Variants in ATRX observed in about 807,000 individuals in gnomAD.
ATRX encodes ATRX chromatin remodeler.
Under a neutral mutation model 172.6 loss-of-function variants are expected in ATRX, and 12 were observed. The ratio of observed to expected loss-of-function variants is 0.07; its 90% CI spans 0.04 to 0.11. ATRX has a LOEUF of 0.11. Ranked by LOEUF, ATRX falls within the 10% of genes least tolerant of loss-of-function variation. The probability of loss-of-function intolerance (pLI) is 1.00; values close to 1 mark genes in which losing one functional copy is unlikely to be tolerated. For synonymous variants in ATRX, 674 were observed against 594.7 expected, an observed-to-expected ratio of 1.13 and a Z score of -1.94; for missense variants, 1,368 against 1,767.4, an observed-to-expected ratio of 0.77 and a Z score of 4.05.
At chrX:77,620,560 A>G (rs1557099400) in intron 19 of ATRX, 28 bp from the exon 20 acceptor site, 1 of 1,134,148 alleles carries the variant, frequency 8.8e-7, no homozygotes, top group African/African-American at 1.8e-5. Flanking sequence ...AAAATAACAC[A>G]ATTAATATAT....
intron 1 of ATRX, among the ~76,000 whole-genome samples, chrX:77,728,725 T>G (rs1432817934): frequency 9.2e-6 from 1 of 108,392 alleles, no homozygotes; most frequent in African/African-American, 3.3e-5. Context: ...CCTTTATCTA[T>G]ACAAAGAAAG....
chrX:77,754,683 T>C (rs2075424595), intron 1 of ATRX, among the ~76,000 whole-genome samples: 1 of 112,245 alleles, frequency 8.9e-6, no homozygotes, highest in East Asian at 2.8e-4. Context: ...CTCTTCTGGC[T>C]TGTAGGGTTT....
Position 77,700,404 on chromosome X carries a change from C to T in ATRX, c.134-1775G>A, listed in dbSNP as rs782065229. ...TTGCTGGTGGGAATGCAAAATGATA[C>T]AGCCACTCAGGAAAACAGTTCAGCA... On this transcript the variant is annotated intron_variant, in intron 2 of 34. Transcript: ENST00000373344. 7.1e-5 allele frequency among the ~76,000 whole-genome samples: 8 copies of T among 111,976 alleles called. No individual in the cohort carries two copies. The South Asian group carries it at 2.6e-3, about 36-fold the overall frequency.
chrX:77,671,167 A>AAAAAATATATATATATAT (rs1424480831), intron 10 of ATRX, among the ~76,000 whole-genome samples: 2 of 15,735 alleles, frequency 1.3e-4, no homozygotes, highest in East Asian at 1.5e-3. Context: ...AAAAAAAAAA[A>AAAAAATATATATATATAT]ATATATATAT....
At chrX:77,722,428 T>G (rs2073821772) in intron 1 of ATRX, among the ~76,000 whole-genome samples, 1 of 111,345 alleles carries the variant, frequency 9.0e-6, no homozygotes, top group Non-Finnish European at 1.9e-5. Context: ...AGAACTTTTT[T>G]GTGATCTATC....
At chrX:77,597,561 A>G (rs990464773) in intron 25 of ATRX, among the ~76,000 whole-genome samples, 1 of 111,927 alleles carries the variant, frequency 8.9e-6, no homozygotes, top group Admixed American at 9.5e-5. Flanking sequence ...GTATCCAACA[A>G]TGAATATCCA....
intron 28 of ATRX, among the ~76,000 whole-genome samples, chrX:77,569,740 G>A (rs1208737025): frequency 8.9e-6 from 1 of 111,894 alleles, no homozygotes; most frequent in East Asian, 2.8e-4. Flanking sequence ...ACTGATGGAA[G>A]AAATCAAAGA....
intron 27 of ATRX, among the ~76,000 whole-genome samples, chrX:77,583,521 CA>C (rs1258258342): frequency 5.2e-5 from 5 of 96,612 alleles, no homozygotes; most frequent in South Asian, 4.7e-4. Flanking sequence ...GAGACCGTCT[CA>C]AAAAAAAAAC....
At chrX:77,563,945 T>TTA (rs2065108736) in intron 28 of ATRX, among the ~76,000 whole-genome samples, 1 of 110,438 alleles carries the variant, frequency 9.1e-6, no homozygotes, top group Non-Finnish European at 1.9e-5. Context: ...AGAACCATGA[T>TTA]TACCAATCTC....
At chrX:77,691,507 T>C (rs1162671637) in intron 6 of ATRX, among the ~76,000 whole-genome samples, 1 of 111,797 alleles carries the variant, frequency 8.9e-6, no homozygotes, top group Non-Finnish European at 1.9e-5. Context: ...GTGTAAAATA[T>C]ACTTTCTAAC....
At chrX:77,589,764 C>T in intron 27 of ATRX, 70 bp downstream of exon 27, 1 of 984,831 alleles carries the variant, frequency 1.0e-6, no homozygotes, top group Middle Eastern at 3.9e-4. Context: ...TCTTTTGTTG[C>T]TAAAATGTTT....
chrX:77,710,895 T>C (rs1480440897), intron 2 of ATRX, among the ~76,000 whole-genome samples: 1 of 106,259 alleles, frequency 9.4e-6, no homozygotes, highest in Non-Finnish European at 1.9e-5. Flanking sequence ...GGTAGATGCA[T>C]GAATCAACCC....
At chrX:77,565,068 T>C (rs1414482332) in intron 28 of ATRX, among the ~76,000 whole-genome samples, 3 of 111,087 alleles carry the variant, frequency 2.7e-5, no homozygotes, top group African/African-American at 9.8e-5. Context: ...TATACCACCA[T>C]CCAATAATAA....
chrX:77,544,489 C>T (rs1389542906), intron 30 of ATRX, among the ~76,000 whole-genome samples: 6 of 109,814 alleles, frequency 5.5e-5, no homozygotes, highest in East Asian at 2.9e-4. Context: ...CATATGTATA[C>T]GTGTGCCATG....
intron 28 of ATRX, among the ~76,000 whole-genome samples, chrX:77,569,484 T>C (rs781969905): frequency 1.8e-5 from 2 of 111,161 alleles, no homozygotes; most frequent in Admixed American, 9.6e-5. Flanking sequence ...TCCTTGTGGA[T>C]AGTACAATGA....
intron 15 of ATRX, among the ~76,000 whole-genome samples, chrX:77,644,618 T>C (rs1430151231): frequency 9.1e-6 from 1 of 109,521 alleles, no homozygotes; most frequent in Non-Finnish European, 1.9e-5. Context: ...TAGGAAAATA[T>C]GGCCCAATCA....
chrX:77,729,863 GGAGGCAGAGGCTGCAGT>G (rs2074222689), intron 1 of ATRX, among the ~76,000 whole-genome samples: 1 of 111,566 alleles, frequency 9.0e-6, no homozygotes, highest in Non-Finnish European at 1.9e-5. Context: ...CTTGAACCCG[GGAGGCAGAGGCTGCAGT>G]GAGCCAAGAT....
chrX:77,755,698 T>G lies in ATRX; in HGVS notation c.20+30284A>C, dbSNP rs1420742285. On this transcript the variant is annotated intron_variant, in intron 1 of 34. Transcript: ENST00000373344. Reference sequence around the variant, plus strand: ...GCAAATATTGCTGCCTGCTCCTTCCTCTGGGAGCTTCGTCCCAGAAGGGCA... The same window carrying G: ...GCAAATATTGCTGCCTGCTCCTTCCGCTGGGAGCTTCGTCCCAGAAGGGCA... Among the ~76,000 whole-genome samples, 9 of 111,896 alleles carry G rather than the reference T, an allele frequency of 8.0e-5. No homozygotes were observed. In the East Asian group the frequency reaches 2.5e-3, roughly 32 times the overall value.
intron 1 of ATRX, among the ~76,000 whole-genome samples, chrX:77,783,323 C>T (rs1456634937): frequency 3.6e-5 from 4 of 111,847 alleles, no homozygotes; most frequent in Admixed American, 2.9e-4. Flanking sequence ...TTATAAAAGA[C>T]CTTATCTTTT....
Sources: allele counts gnomAD v4.1 joint callset (sites outside exome capture counted in the v4.1 genomes callset), GRCh38; gene constraint gnomAD v4.1.1; transcripts MANE v1.5; gene names NCBI Gene and HGNC (gene_info 2026-07-23, HGNC 2026-07-21).